CABP1: variants seen among roughly 807,000 people sequenced by gnomAD.
The protein encoded by CABP1 is calcium binding protein 1.
CABP1 carries 17 observed loss-of-function variants against 34.3 expected under a neutral mutation model. The ratio of observed to expected loss-of-function variants is 0.50; its 90% CI spans 0.34 to 0.74. The LOEUF is 0.74. Ranked by LOEUF, CABP1 falls within the 30% of genes least tolerant of loss-of-function variation. CABP1 has a pLI of 0.01. For missense variants in CABP1, 373 were observed against 511.1 expected (o/e 0.73, Z 2.61); for synonymous variants, 198 against 229.2 (o/e 0.86, Z 1.23).
chr12:120,667,688 A>G (rs777983691), downstream of CABP1, among the ~76,000 whole-genome samples: 14 of 152,096 alleles, frequency 9.2e-5, no homozygotes, highest in Non-Finnish European at 1.8e-4. Context: ...GGGGTTTCAC[A>G]TGTTGGGCAG....
At chr12:120,656,335 G>C in intron 1 of CABP1, 1 of 1,426,136 alleles carries the variant, frequency 7.0e-7, no homozygotes, top group East Asian at 2.5e-5. Context: ...GGAGGTGCTG[G>C]GATGAAGAAG....
At chr12:120,679,955 T>C in the CABP1 span, among the ~76,000 whole-genome samples, 1 of 152,170 alleles carries the variant, frequency 6.6e-6, no homozygotes, top group Non-Finnish European at 1.5e-5. Context: ...GCGGATCACT[T>C]GAGGTCTGGA....
At chr12:120,665,712 A>C (rs1475119343) in intron 5 of CABP1, among the ~76,000 whole-genome samples, 1 of 148,052 alleles carries the variant, frequency 6.8e-6, no homozygotes, top group Non-Finnish European at 1.5e-5. Flanking sequence ...CATAAACCTA[A>C]AATTGCCCTT....
At chr12:120,654,272 A>G (rs1042235697) in intron 1 of CABP1, among the ~76,000 whole-genome samples, 1 of 152,072 alleles carries the variant, frequency 6.6e-6, no homozygotes, top group African/African-American at 2.4e-5. Flanking sequence ...CTCTTTGAGG[A>G]ACCGGAATAC....
the CABP1 span, among the ~76,000 whole-genome samples, chr12:120,680,813 C>G: frequency 6.6e-6 from 1 of 152,004 alleles, no homozygotes; most frequent in Admixed American, 6.6e-5. Context: ...GCCCCCAACC[C>G]TATCAAGGCT....
Sources: gnomAD v4.1 joint callset for allele counts (sites outside exome capture counted in the v4.1 genomes callset) on GRCh38, gnomAD v4.1.1 for gene constraint, MANE v1.5 for transcripts, NCBI Gene and HGNC (gene_info 2026-07-23, HGNC 2026-07-21) for gene names.